The following RCC1L variants were observed in gnomAD, a reference collection of about 807,000 sequenced individuals.
RCC1L encodes RCC1-like G exchanging factor-like protein.
In RCC1L, 46 loss-of-function variants were observed where a neutral mutation model predicts 58.6. The observed-to-expected ratio is 0.79, with a 90% CI of 0.62 to 1.00. RCC1L has a LOEUF of 1.00. RCC1L is among the 50% of genes least tolerant of loss of function. The pLI is 0.00. For missense variants in RCC1L, 636 were observed against 623.6 expected, an observed-to-expected ratio of 1.02 and a Z score of -0.21; for synonymous variants, 281 against 262.9, an observed-to-expected ratio of 1.07 and a Z score of -0.67.
At chr7:75,028,048 G>A in exon 11 of RCC1L, 1 of 1,534,452 alleles carries the variant, frequency 6.5e-7, no homozygotes, top group Admixed American at 2.0e-5. Flanking sequence ...GAGTGGGCCT[G>A]TTGTCTTGGC....
At chr7:75,068,654 C>T (rs1806601123) in intron 2 of RCC1L, among the ~76,000 whole-genome samples, 1 of 151,986 alleles carries the variant, frequency 6.6e-6, no homozygotes, top group Non-Finnish European at 1.5e-5. Flanking sequence ...CCACTGCACT[C>T]CAGCCTGGGC....
chr7:75,038,238 G>C (rs1169477237), downstream of RCC1L, among the ~76,000 whole-genome samples: 4 of 152,138 alleles, frequency 2.6e-5, no homozygotes, highest in Non-Finnish European at 5.9e-5. Context: ...ATTGCATAGA[G>C]AAGACCCCAG....
downstream of RCC1L, among the ~76,000 whole-genome samples, chr7:75,040,151 T>C (rs1340432479): frequency 6.6e-6 from 1 of 152,134 alleles, no homozygotes; most frequent in African/African-American, 2.4e-5. Context: ...CACTGCTTGC[T>C]ATGTCCAAAG....
chr7:75,051,252 G>A (rs970102337), intron 10 of RCC1L, among the ~76,000 whole-genome samples: 11 of 144,138 alleles, frequency 7.6e-5, no homozygotes, highest in African/African-American at 2.8e-4. Context: ...ATATTTATAT[G>A]TGTGTGTGTA....
intron 3 of RCC1L, 138 bp from the exon 4 acceptor site, chr7:75,064,786 C>T (rs1489574962): frequency 2.2e-6 from 2 of 918,688 alleles, no homozygotes; most frequent in African/African-American, 3.3e-5. Flanking sequence ...TTTCCTTCTC[C>T]AACTTTCTCA....
At chr7:75,052,862 G>T in intron 9 of RCC1L, 66 bp from the exon 10 acceptor site, 1 of 1,470,972 alleles carries the variant, frequency 6.8e-7, no homozygotes. Flanking sequence ...AGGAGAGGAT[G>T]GGTCATGAGA....
intron 2 of RCC1L, 134 bp downstream of exon 2, chr7:75,070,506 G>A: frequency 6.7e-6 from 8 of 1,202,946 alleles, no homozygotes; most frequent in Non-Finnish European, 9.0e-6. Flanking sequence ...GGGAGGTGGA[G>A]GTTGCAGTGA....
chr7:75,056,426 T>C (rs1218663325), intron 8 of RCC1L: 5 of 1,200,672 alleles, frequency 4.2e-6, no homozygotes, highest in Admixed American at 2.9e-5. Flanking sequence ...TTTCTCCCCC[T>C]AATGACAGCT....
chr7:75,061,795 C>T (rs1806287069), intron 5 of RCC1L, among the ~76,000 whole-genome samples: 1 of 152,164 alleles, frequency 6.6e-6, no homozygotes, highest in South Asian at 2.1e-4. Context: ...TCCTCAGTTC[C>T]AAACTCATTT....
chr7:75,044,974 A>G (rs1289396010), intron 10 of RCC1L, among the ~76,000 whole-genome samples: 1 of 152,180 alleles, frequency 6.6e-6, no homozygotes, highest in Admixed American at 6.5e-5. Flanking sequence ...GTGAGCCGAG[A>G]TCACGCCATT....
At position 75,042,341 on chromosome 7, in the gene RCC1L, G is replaced by A; in HGVS notation, c.*691C>T. The A allele has an allele frequency of 2.0e-6, 2 of 985,610 alleles. No homozygotes were observed. The highest frequency in any genetic ancestry group is 1.1e-4 in the East Asian group (1 of 8,816). The allele number at this position is 985,610 out of a possible 1,614,324, so 61.1% of individuals were successfully genotyped here. A position where few individuals can be genotyped will look rare whatever the true frequency, so the allele number is the denominator to read the frequency against. Reference sequence around the variant, plus strand: ...ACTGCAGCTGAGCCTTGGCGGATATGCTCGGGGCCCTCGGCGCAGAGGAAC... The same window carrying A: ...ACTGCAGCTGAGCCTTGGCGGATATACTCGGGGCCCTCGGCGCAGAGGAAC... On this transcript the variant is annotated 3_prime_UTR_variant, in exon 11 of 11. Coordinates refer to ENST00000610322, the MANE Select transcript of RCC1L (RefSeq NM_030798.5).
intron 4 of RCC1L, among the ~76,000 whole-genome samples, chr7:75,064,095 G>A (rs1376484583): frequency 6.6e-6 from 1 of 152,106 alleles, no homozygotes; most frequent in Non-Finnish European, 1.5e-5. Flanking sequence ...ACTTTGGGAG[G>A]CCAAGGCAGG....
intron 10 of RCC1L, among the ~76,000 whole-genome samples, chr7:75,043,537 A>C (rs1349604195): frequency 6.6e-6 from 1 of 152,150 alleles, no homozygotes. Flanking sequence ...GTGTTCAGAG[A>C]TCTCTCCTGG....
intron 8 of RCC1L, chr7:75,056,420 TC>T: frequency 1.8e-6 from 2 of 1,133,658 alleles, no homozygotes; most frequent in Non-Finnish European, 2.4e-6. Context: ...GGATGTTTTC[TC>T]CCCCTAATGA....
At chr7:75,030,193 G>C (rs1413205218) in intron 10 of RCC1L, among the ~76,000 whole-genome samples, 5 of 152,240 alleles carry the variant, frequency 3.3e-5, no homozygotes, top group Non-Finnish European at 5.9e-5. Context: ...GGGGGTGCAG[G>C]CCTAGGTGTG....
intron 4 of RCC1L, among the ~76,000 whole-genome samples, chr7:75,063,601 A>G (rs1193666527): frequency 3.3e-5 from 5 of 152,162 alleles, no homozygotes; most frequent in Non-Finnish European, 5.9e-5. Context: ...AAGGAACTAG[A>G]GGGAAGTGTT....
intron 10 of RCC1L, among the ~76,000 whole-genome samples, chr7:75,033,681 C>T (rs1214329494): frequency 5.5e-5 from 8 of 146,310 alleles, no homozygotes; most frequent in Middle Eastern, 3.5e-3. Flanking sequence ...GGCAACAGGG[C>T]GAGTCTCTAT....
chr7:75,029,288 C>T (rs1044376902), intron 10 of RCC1L, among the ~76,000 whole-genome samples: 13 of 152,090 alleles, frequency 8.5e-5, no homozygotes, highest in Non-Finnish European at 1.9e-4. Context: ...GTGGTGACAA[C>T]CAGGGCTTTT....
chr7:75,041,854 A>C (rs1476569261), downstream of RCC1L, among the ~76,000 whole-genome samples: 1 of 140,596 alleles, frequency 7.1e-6, no homozygotes, highest in Non-Finnish European at 1.5e-5. Flanking sequence ...ACAAAGCAAG[A>C]CTCTGTCTCA....
Sources: gnomAD v4.1 joint callset for allele counts (sites outside exome capture counted in the v4.1 genomes callset) on GRCh38, gnomAD v4.1.1 for gene constraint, MANE v1.5 for transcripts, NCBI Gene and HGNC (gene_info 2026-07-23, HGNC 2026-07-21) for gene names.